Variants in MNAT1 observed in about 807,000 individuals in gnomAD.
MNAT1 encodes the protein CDK-activating kinase assembly factor MAT1.
A neutral mutation model predicts 42.0 loss-of-function variants in MNAT1; 43 were observed. The ratio of observed to expected loss-of-function variants is 1.02; its 90% CI spans 0.80 to 1.32. The LOEUF is 1.32. Among genes scored for constraint, MNAT1 ranks in the 40% most tolerant of loss-of-function variants. The pLI, the probability that MNAT1 is intolerant of heterozygous loss-of-function variation, is 0.00. For missense variants in MNAT1, 306 were observed against 350.4 expected (o/e 0.87, Z 1.01); for synonymous variants, 118 against 120.0 (o/e 0.98, Z 0.11).
At chr14:60,874,416 A>G (rs1348943857) in intron 6 of MNAT1, among the ~76,000 whole-genome samples, 1 of 151,962 alleles carries the variant, frequency 6.6e-6, no homozygotes, top group Non-Finnish European at 1.5e-5. Context: ...GCTTTTGTAG[A>G]CTTTGTCCTC....
chr14:60,968,412 T>C lies in MNAT1; in HGVS notation c.*63T>C, dbSNP rs141991211. On this transcript the variant is annotated 3_prime_UTR_variant, in exon 8 of 8. Transcript: ENST00000261245. ...AGCTAGCAAAAGTAAAGCAGACTTA[T>C]AAAATTATAGCTATGTGCAGCTGCA... 5.7e-6 allele frequency: 9 copies of C among 1,576,862 alleles called. No individual in the cohort carries two copies. The highest frequency in any genetic ancestry group is 3.9e-5 in the Admixed American group (2 of 51,232).
At chr14:60,817,358 A>G (rs890321390) in intron 5 of MNAT1, among the ~76,000 whole-genome samples, 3 of 151,852 alleles carry the variant, frequency 2.0e-5, no homozygotes, top group Non-Finnish European at 3.0e-5. Context: ...TCCTCGTACT[A>G]TATTTCATCA....
intron 7 of MNAT1, among the ~76,000 whole-genome samples, chr14:60,935,446 C>G (rs1355420111): frequency 6.6e-6 from 1 of 151,670 alleles, no homozygotes; most frequent in East Asian, 1.9e-4. Context: ...CATTTTGATT[C>G]TTACTGTTGC....
intron 5 of MNAT1, 46 bp from the exon 6 acceptor site, chr14:60,818,676 G>A (rs755409161): frequency 2.0e-6 from 3 of 1,482,812 alleles, no homozygotes; most frequent in Non-Finnish European, 2.7e-6. Context: ...GTTGTTTTTA[G>A]TTTTCCCTTT....
chr14:60,751,111 A>G (rs1387156652), intron 1 of MNAT1, among the ~76,000 whole-genome samples: 1 of 150,358 alleles, frequency 6.7e-6, no homozygotes, highest in Non-Finnish European at 1.5e-5. Context: ...TTTTTTTTTT[A>G]ATCAAATGGG....
At chr14:60,832,599 A>T (rs1307240268) in intron 6 of MNAT1, among the ~76,000 whole-genome samples, 1 of 151,946 alleles carries the variant, frequency 6.6e-6, no homozygotes, top group Non-Finnish European at 1.5e-5. Flanking sequence ...TATAGTTTGA[A>T]GTCAGGTAGC....
intron 7 of MNAT1, among the ~76,000 whole-genome samples, chr14:60,963,717 C>T (rs549350988): frequency 1.5e-4 from 23 of 152,218 alleles, no homozygotes; most frequent in South Asian, 4.2e-4. Context: ...ACTAAAAAAA[C>T]GGGCCACCTT....
intron 7 of MNAT1, among the ~76,000 whole-genome samples, chr14:60,923,544 A>C (rs1332523175): frequency 6.6e-6 from 1 of 152,244 alleles, no homozygotes; most frequent in South Asian, 2.1e-4. Flanking sequence ...CATCATTTAC[A>C]GTATTTCATA....
intron 5 of MNAT1, among the ~76,000 whole-genome samples, chr14:60,815,320 A>G (rs2032677905): frequency 1.3e-5 from 2 of 151,796 alleles, no homozygotes; most frequent in South Asian, 2.1e-4. Flanking sequence ...GGTTCAAGCA[A>G]TTCTTTGCCT....
At chr14:60,758,629 C>G (rs969189309) in intron 1 of MNAT1, among the ~76,000 whole-genome samples, 4 of 151,654 alleles carry the variant, frequency 2.6e-5, no homozygotes, top group Non-Finnish European at 5.9e-5. Context: ...GAAAACAAAA[C>G]AAAAAATAGT....
chr14:60,902,435 A>G (rs893877133), intron 7 of MNAT1, among the ~76,000 whole-genome samples: 1 of 152,172 alleles, frequency 6.6e-6, no homozygotes, highest in Admixed American at 6.5e-5. Context: ...CTTGCTACTT[A>G]TCTTTCTCAA....
In MNAT1 at chr14:60,796,322, T is replaced by G; in HGVS notation, c.195T>G (p.Asp65Glu). 1 of 1,613,708 alleles carries G rather than the reference T, an allele frequency of 6.2e-7. No individual in the cohort carries two copies. The highest frequency in any genetic ancestry group is 8.5e-7 in the Non-Finnish European group (1 of 1,179,732). ...KSNFRVQLFE[D>E]PTVDKEVEIR... ...ACTTCAGGGTACAACTCTTTGAAGATCCCACTGTTGACAAGGAGGTTGAGA... is the reference window on the plus strand; with the variant it reads ...ACTTCAGGGTACAACTCTTTGAAGAGCCCACTGTTGACAAGGAGGTTGAGA... The change falls in exon 2 of 8, where the codon GAT becomes GAG. Residue 65 changes from aspartate (D) to glutamate (E), a missense_variant. Around this residue, in one of 3 missense-constraint regions of MNAT1, gnomAD observed 72 missense variants for 111.0 expected, o/e 0.65. Coordinates refer to ENST00000261245, the MANE Select transcript of MNAT1 (RefSeq NM_002431.4).
At chr14:60,789,064 T>C (rs905331199) in intron 1 of MNAT1, among the ~76,000 whole-genome samples, 1 of 152,158 alleles carries the variant, frequency 6.6e-6, no homozygotes, top group African/African-American at 2.4e-5. Flanking sequence ...GCTTGGTCAT[T>C]TCTGTCTTTT....
intron 7 of MNAT1, among the ~76,000 whole-genome samples, chr14:60,902,233 A>G (rs1298186325): frequency 6.6e-6 from 1 of 152,114 alleles, no homozygotes. Flanking sequence ...TACATAATCT[A>G]TTTATTTGGG....
chr14:60,815,438 A>G (rs1347649876), intron 5 of MNAT1, among the ~76,000 whole-genome samples: 3 of 152,098 alleles, frequency 2.0e-5, no homozygotes, highest in Non-Finnish European at 4.4e-5. Flanking sequence ...GCTGGTCATG[A>G]ACTACTGACC....
chr14:60,913,306 T>G (rs1278521288), intron 7 of MNAT1, among the ~76,000 whole-genome samples: 1 of 152,176 alleles, frequency 6.6e-6, no homozygotes. Flanking sequence ...TTTGATCTTC[T>G]GAAGCCTTCC....
At chr14:60,785,474 T>C (rs749944254) in intron 1 of MNAT1, among the ~76,000 whole-genome samples, 21 of 152,210 alleles carry the variant, frequency 1.4e-4, no homozygotes, top group Non-Finnish European at 2.9e-4. Context: ...TGAGCAAACA[T>C]TGATATACTT....
At chr14:60,811,779 G>T (rs1186959291) in intron 4 of MNAT1, among the ~76,000 whole-genome samples, 1 of 151,970 alleles carries the variant, frequency 6.6e-6, no homozygotes, top group Non-Finnish European at 1.5e-5. Flanking sequence ...CACTAGTATG[G>T]TATAACAGAA....
At chr14:60,831,646 A>C (rs2033221465) in intron 6 of MNAT1, among the ~76,000 whole-genome samples, 1 of 152,150 alleles carries the variant, frequency 6.6e-6, no homozygotes, top group Non-Finnish European at 1.5e-5. Context: ...ATATGTGTGC[A>C]TGTGTCTTTA....
Sources: gnomAD v4.1 joint callset for allele counts (sites outside exome capture counted in the v4.1 genomes callset) on GRCh38, gnomAD v4.1.1 for gene constraint, gnomAD v4.1.1 regional missense constraint, MANE v1.5 for transcripts, NCBI Gene and HGNC (gene_info 2026-07-23, HGNC 2026-07-21) for gene names.